Variants in EGFLAM observed in about 807,000 individuals in gnomAD.
EGFLAM encodes EGF like, fibronectin type III and laminin G domains.
EGFLAM carries 79 observed loss-of-function variants against 113.1 expected under a neutral mutation model. The ratio of observed to expected loss-of-function variants is 0.70; its 90% CI spans 0.58 to 0.84. The LOEUF is 0.84. EGFLAM is among the 40% of genes least tolerant of loss of function. The pLI is 0.00. For synonymous variants in EGFLAM, 504 were observed against 487.6 expected (o/e 1.03, Z -0.44); for missense variants, 1,265 against 1,291.6 (o/e 0.98, Z 0.32).
intron 15 of EGFLAM, among the ~76,000 whole-genome samples, chr5:38,431,898 T>G (rs1742201833): frequency 6.6e-6 from 1 of 152,208 alleles, no homozygotes; most frequent in Non-Finnish European, 1.5e-5. Flanking sequence ...CAGCACTAAA[T>G]AGCTTTACAT....
chr5:38,458,319 T>C lies in EGFLAM; in HGVS notation c.2696T>C (p.Leu899Pro), dbSNP rs1020520267. 2.5e-6 allele frequency: 4 copies of C among 1,613,752 alleles called. No homozygotes were observed. In the African/African-American group the frequency reaches 5.3e-5, roughly 22 times the overall value. The part of the protein sequence containing the change: ...RDGALVFSYN[L>P]GSGVASIMVN... ...CTTCTCCAATGCCTTAGCTATAACC[T>C]GGGCAGTGGTGTGGCATCCATCATG... Residue 899 changes from leucine (L) to proline (P), a missense_variant, in exon 20 of 22, where the codon CTG becomes CCG. Leu to Pro is a moderately conservative substitution (Grantham distance 98). Transcript: ENST00000322350.
intron 18 of EGFLAM, 147 bp from the exon 19 acceptor site, chr5:38,451,167 TG>T: frequency 9.6e-7 from 1 of 1,046,792 alleles, no homozygotes; most frequent in Non-Finnish European, 1.4e-6. Context: ...TTTAGACCCG[TG>T]GTGCGACTCG....
At chr5:38,448,138 G>A (rs1016782260) in intron 17 of EGFLAM, 163 bp from the exon 18 acceptor site, 30 of 721,558 alleles carry the variant, frequency 4.2e-5, no homozygotes, top group Non-Finnish European at 6.8e-5. Context: ...ATGGGGTTGG[G>A]CAACTGTGAA....
intron 7 of EGFLAM, 107 bp downstream of exon 7, chr5:38,406,348 C>G: frequency 1.0e-6 from 1 of 960,170 alleles, no homozygotes; most frequent in Non-Finnish European, 1.6e-6. Context: ...TTAAATGTGC[C>G]CATTTGCTTT....
intron 1 of EGFLAM, among the ~76,000 whole-genome samples, chr5:38,316,127 T>A (rs182795386): frequency 6.6e-5 from 10 of 151,922 alleles, no homozygotes; most frequent in Admixed American, 3.3e-4. Context: ...AAAGCAGTTA[T>A]TGATATTTTT....
intron 1 of EGFLAM, among the ~76,000 whole-genome samples, chr5:38,325,925 T>A (rs1425655626): frequency 2.0e-5 from 3 of 151,876 alleles, no homozygotes; most frequent in Non-Finnish European, 4.4e-5. Context: ...ATTATAATAA[T>A]TATAGAACTA....
intron 1 of EGFLAM, among the ~76,000 whole-genome samples, chr5:38,277,161 T>A (rs1049715127): frequency 6.6e-6 from 1 of 152,002 alleles, no homozygotes; most frequent in Non-Finnish European, 1.5e-5. Flanking sequence ...TACAGAAATA[T>A]TCAGCAAAAA....
At chr5:38,397,581 C>G (rs1486780251) in intron 6 of EGFLAM, among the ~76,000 whole-genome samples, 1 of 152,150 alleles carries the variant, frequency 6.6e-6, no homozygotes, top group Admixed American at 6.5e-5. Flanking sequence ...GTGTAAGCTA[C>G]CACGTCCAGC....
chr5:38,390,155 G>T (rs1197500355), intron 6 of EGFLAM, among the ~76,000 whole-genome samples: 1 of 151,976 alleles, frequency 6.6e-6, no homozygotes, highest in East Asian at 1.9e-4. Context: ...TCTTGAATCT[G>T]GTATTTATGA....
intron 3 of EGFLAM, among the ~76,000 whole-genome samples, chr5:38,347,519 G>C (rs1040625108): frequency 1.1e-4 from 16 of 152,208 alleles, no homozygotes; most frequent in African/African-American, 3.6e-4. Context: ...ATGAGGTAAC[G>C]TCTCAGCTGA....
intron 5 of EGFLAM, among the ~76,000 whole-genome samples, chr5:38,361,529 G>A (rs1361190932): frequency 1.3e-5 from 2 of 152,124 alleles, no homozygotes; most frequent in Non-Finnish European, 2.9e-5. Context: ...TAGAGCAGGG[G>A]TGTCCAATTT....
chr5:38,358,202 T>C (rs1739814326), intron 5 of EGFLAM, among the ~76,000 whole-genome samples: 1 of 151,662 alleles, frequency 6.6e-6, no homozygotes, highest in African/African-American at 2.4e-5. Context: ...TCCCAGCACT[T>C]TGGGAGGCCG....
At chr5:38,268,151 T>C (rs1757679116) in intron 1 of EGFLAM, among the ~76,000 whole-genome samples, 1 of 152,200 alleles carries the variant, frequency 6.6e-6, no homozygotes, top group Non-Finnish European at 1.5e-5. Context: ...ATACAAGCAG[T>C]TGCTTGTATT....
chr5:38,342,569 C>A (rs192781168), intron 3 of EGFLAM, among the ~76,000 whole-genome samples: 18 of 152,244 alleles, frequency 1.2e-4, no homozygotes, highest in Admixed American at 1.2e-3. Context: ...TGATAATCTG[C>A]CTTATAGTAG....
chr5:38,354,349 G>A (rs1739707439), intron 5 of EGFLAM, among the ~76,000 whole-genome samples: 1 of 152,112 alleles, frequency 6.6e-6, no homozygotes, highest in South Asian at 2.1e-4. Context: ...AAAACTTGGG[G>A]CAAAACTTAA....
chr5:38,273,686 G>A (rs1264342487), intron 1 of EGFLAM, among the ~76,000 whole-genome samples: 1 of 152,208 alleles, frequency 6.6e-6, no homozygotes, highest in Non-Finnish European at 1.5e-5. Context: ...ACCACACCCT[G>A]ACAACCTGCC....
chr5:38,409,088 C>T lies in EGFLAM; in HGVS notation c.1333C>T (p.Arg445Cys), dbSNP rs777891092. The T allele has an allele frequency of 5.9e-5, 94 of 1,581,720 alleles. No individual in the cohort carries two copies. Among genetic ancestry groups the T allele is most frequent in the Middle Eastern group, 1.7e-4 (1 of 6,044 alleles). Reference protein sequence around the residue: ...GDFMSLAIIRRSLQFRFNCGT... With the variant: ...GDFMSLAIIRCSLQFRFNCGT... ...TTTCATGTCCCTGGCTATCATCCGA[C>T]GCTCCCTGCAGTTCAGGTAATTCCT... Residue 445 changes from arginine (R) to cysteine (C), a missense_variant, in exon 10 of 22, where the codon CGC becomes TGC. Physicochemically the swap from Arg to Cys is radical, Grantham distance 180. Transcript: ENST00000322350.
chr5:38,339,225 AT>A (rs957501348), intron 3 of EGFLAM, among the ~76,000 whole-genome samples: 1 of 151,130 alleles, frequency 6.6e-6, no homozygotes, highest in South Asian at 2.1e-4. Flanking sequence ...CAAATTGTTT[AT>A]TTTTTTTTCA....
intron 5 of EGFLAM, among the ~76,000 whole-genome samples, chr5:38,361,381 G>A (rs2561140): frequency 0.62 from 94,056 of 151,986 alleles, 30,087 homozygotes; most frequent in Non-Finnish European, 0.69. Flanking sequence ...CTTCTTCAAG[G>A]TCTGTCTTCC....
Sources: gnomAD v4.1 joint callset for allele counts (sites outside exome capture counted in the v4.1 genomes callset) on GRCh38, gnomAD v4.1.1 for gene constraint, MANE v1.5 for transcripts, NCBI Gene and HGNC (gene_info 2026-07-23, HGNC 2026-07-21) for gene names.